ADAMTSL1: variants seen among roughly 807,000 people sequenced by gnomAD.
ADAMTSL1 encodes the protein ADAMTS-like protein 1.
A neutral mutation model predicts 201.8 loss-of-function variants in ADAMTSL1; 126 were observed. The ratio of observed to expected loss-of-function variants is 0.62; its 90% CI spans 0.54 to 0.72. The LOEUF (loss-of-function observed/expected upper bound fraction) is 0.72. Among genes scored for constraint, ADAMTSL1 ranks in the 30% least tolerant of loss-of-function variants. The probability of loss-of-function intolerance (pLI) is 0.00; values close to 1 mark genes in which losing one functional copy is unlikely to be tolerated. For synonymous variants in ADAMTSL1, 1,121 were observed against 903.4 expected (o/e 1.24, Z -4.32); for missense variants, 2,679 against 2,277.8 (o/e 1.18, Z -3.59).
At chr9:18,186,832 A>AACACACACAC (rs35993162) in intron 2 of ADAMTSL1, among the ~76,000 whole-genome samples, 13 of 149,516 alleles carry the variant, frequency 8.7e-5, no homozygotes, top group African/African-American at 3.2e-4. Flanking sequence ...ATCACTGTAC[A>AACACACACAC]ACACACACAC....
chr9:18,728,691 C>G (rs563805), intron 15 of ADAMTSL1, among the ~76,000 whole-genome samples: 4 of 152,104 alleles, frequency 2.6e-5, no homozygotes, highest in Non-Finnish European at 5.9e-5. Context: ...ATGGTAAGGC[C>G]TAAGTAGGAG....
At chr9:18,639,908 T>C (rs1395701522) in intron 7 of ADAMTSL1, among the ~76,000 whole-genome samples, 4 of 152,134 alleles carry the variant, frequency 2.6e-5, no homozygotes, top group African/African-American at 9.6e-5. Context: ...TAAAACACAT[T>C]GCTGGAAGCA....
chr9:18,708,188 T>A (rs1832342293), intron 14 of ADAMTSL1, among the ~76,000 whole-genome samples: 1 of 152,354 alleles, frequency 6.6e-6, no homozygotes, highest in South Asian at 2.1e-4. Flanking sequence ...GCATCTTTTG[T>A]CATGATTGAG....
At position 18,631,381 on chromosome 9, in the gene ADAMTSL1, TA is replaced by T. The variant is rs1475824514; in HGVS notation, c.602-4560del. On this transcript the variant is annotated intron_variant, in intron 5 of 28. Transcript: ENST00000380548. ...ACTTCTTATTTTGTTGGATATATTTTAAGAGTAATAAAACCGTCACGAAGAT... is the reference window on the plus strand; with the variant it reads ...ACTTCTTATTTTGTTGGATATATTTTAGAGTAATAAAACCGTCACGAAGAT... Among the ~76,000 whole-genome samples the T allele has an allele frequency of 9.2e-5, 14 of 152,340 alleles. No homozygotes were observed. In the East Asian group the frequency reaches 2.7e-3, roughly 29 times the overall value.
intron 1 of ADAMTSL1, among the ~76,000 whole-genome samples, chr9:18,105,769 T>A (rs1824730362): frequency 6.6e-6 from 1 of 152,212 alleles, no homozygotes; most frequent in African/African-American, 2.4e-5. Context: ...TTAACTTAGT[T>A]ACATCTTATA....
At chr9:18,159,734 C>G (rs1350287448) in intron 1 of ADAMTSL1, among the ~76,000 whole-genome samples, 1 of 151,906 alleles carries the variant, frequency 6.6e-6, no homozygotes. Context: ...AGTCAGAATA[C>G]TAATCAGTAT....
rs531440165 is a variant in ADAMTSL1, at chr9:18,105,026, TA to T, written c.88-58826del. 2.6e-4 allele frequency among the ~76,000 whole-genome samples: 39 copies of T among 147,944 alleles called. No individual in the cohort carries two copies. In the East Asian group the frequency reaches 3.8e-3, roughly 14 times the overall value. ...AAGAGGTCAAGGCCGTATGTATAAA[TA>T]AAAAAAAAATAGCCTCTAAAAATAA... is the stretch of plus-strand genomic sequence containing the variant. On this transcript the variant is annotated intron_variant, in intron 1 of 29. Transcript: ENST00000680146.
At chr9:18,813,938 A>C (rs554571546) in intron 20 of ADAMTSL1, among the ~76,000 whole-genome samples, 8 of 152,326 alleles carry the variant, frequency 5.3e-5, no homozygotes, top group Non-Finnish European at 1.0e-4. Context: ...GTATTATATT[A>C]GCTGTGGATT....
At chr9:18,013,877 AT>A (rs1820151275) in intron 1 of ADAMTSL1, among the ~76,000 whole-genome samples, 1 of 152,016 alleles carries the variant, frequency 6.6e-6, no homozygotes, top group Admixed American at 6.6e-5. Context: ...AGTTTTCCAT[AT>A]AAAAAGTGGT....
chr9:18,483,290 C>G (rs755516263), intron 1 of ADAMTSL1, among the ~76,000 whole-genome samples: 1 of 152,054 alleles, frequency 6.6e-6, no homozygotes, highest in Non-Finnish European at 1.5e-5. Context: ...TAAAGAGATT[C>G]GAGTTATATT....
intron 15 of ADAMTSL1, among the ~76,000 whole-genome samples, chr9:18,739,887 C>A (rs1818717512): frequency 7.2e-6 from 1 of 138,112 alleles, no homozygotes; most frequent in Non-Finnish European, 1.6e-5. Context: ...TATGTGTGTA[C>A]ATGTCTACTA....
Position 18,077,726 on chromosome 9 carries a change from G to T in ADAMTSL1, c.88-86136G>T, listed in dbSNP as rs147703897. The stretch of plus-strand genomic sequence containing the variant: ...GAAATGGAAAAAGCTGCAGACTAAC[G>T]TGGGGTCCAAGGAGGACTTTAAAAA... On this transcript the variant is annotated intron_variant, in intron 1 of 29. Coordinates refer to the ADAMTSL1 transcript ENST00000680146. 1.2e-3 allele frequency among the ~76,000 whole-genome samples: 185 copies of T among 152,126 alleles called. 2 individuals carry two copies. Among genetic ancestry groups the T allele is most frequent in the Middle Eastern group, 6.8e-3 (2 of 294 alleles).
intron 23 of ADAMTSL1, among the ~76,000 whole-genome samples, chr9:18,850,023 A>G (rs533364087): frequency 1.3e-5 from 2 of 152,342 alleles, no homozygotes; most frequent in South Asian, 2.1e-4. Context: ...ATATAAAAAG[A>G]CACCAGAGCA....
intron 2 of ADAMTSL1, among the ~76,000 whole-genome samples, chr9:18,174,191 C>T (rs1459046662): frequency 2.0e-5 from 3 of 152,110 alleles, no homozygotes; most frequent in African/African-American, 7.2e-5. Context: ...AGCAAATTCA[C>T]CTTATGGAAA....
rs186957905 is a variant in ADAMTSL1 at position 18,606,769 on chromosome 9, C to A, written c.475-15474C>A. 2.5e-3 allele frequency among the ~76,000 whole-genome samples: 381 copies of A among 152,278 alleles called. 3 individuals are homozygous for A. The highest frequency in any genetic ancestry group is 8.0e-3 in the African/African-American group (331 of 41,558). ...CATAAACACCACAATTCCTTCCCCC[C>A]CAGTTTTCTTATTTATTGCCTCTTC... On this transcript the variant is annotated intron_variant, in intron 4 of 28. Coordinates refer to ENST00000380548, the MANE Select transcript of ADAMTSL1 (RefSeq NM_001040272.6).
intron 1 of ADAMTSL1, among the ~76,000 whole-genome samples, chr9:17,963,063 A>G (rs1248176325): frequency 6.6e-6 from 1 of 152,238 alleles, no homozygotes; most frequent in Non-Finnish European, 1.5e-5. Context: ...AGATAAGTAA[A>G]TGAGATTTAG....
chr9:18,388,686 C>A (rs754407887), intron 2 of ADAMTSL1, among the ~76,000 whole-genome samples: 73 of 151,190 alleles, frequency 4.8e-4, no homozygotes, highest in Non-Finnish European at 8.9e-4. Context: ...TTTTTCCTCT[C>A]TACTGGTTTG....
chr9:18,519,531 A>G (rs770744900), intron 2 of ADAMTSL1, among the ~76,000 whole-genome samples: 8 of 152,262 alleles, frequency 5.3e-5, no homozygotes, highest in Admixed American at 3.3e-4. Context: ...GATCATTCCT[A>G]TGAGTTGTTC....
rs61505157 is a variant in ADAMTSL1, at chr9:18,688,659, CAAAAAAAAAAAAAAAAAA to C, written c.1574+3873_1574+3890del. Among the ~76,000 whole-genome samples, 8 of 6,678 alleles carry C rather than the reference CAAAAAAAAAAAAAAAAAA, an allele frequency of 1.2e-3. 1 individual carries two copies. Among genetic ancestry groups the C allele is most frequent in the Non-Finnish European group, 2.2e-3 (7 of 3,230 alleles). The allele number at this position is 6,678 out of a possible 152,430, so 4.4% of individuals were successfully genotyped here. On this transcript the variant is annotated intron_variant, in intron 13 of 28. Transcript: ENST00000380548. ...CTCCAGCCTGGGTAACAGAGCATTT[CAAAAAAAAAAAAAAAAAA>C]AAAAAAAAAAAAATATATATATATA...
Sources: gnomAD v4.1 joint callset for allele counts (sites outside exome capture counted in the v4.1 genomes callset) on GRCh38, gnomAD v4.1.1 for gene constraint, MANE v1.5 for transcripts, NCBI Gene and HGNC (gene_info 2026-07-23, HGNC 2026-07-21) for gene names.